ZNF143: variants seen among roughly 807,000 people sequenced by gnomAD.
ZNF143 encodes the protein SPH-binding factor.
Under a neutral mutation model 74.1 loss-of-function variants are expected in ZNF143, and 49 were observed. That is an observed-to-expected ratio of 0.66 (90% confidence interval 0.53 to 0.84). The LOEUF is 0.84. ZNF143 is among the 40% of genes least tolerant of loss of function. ZNF143 has a pLI of 0.00. For missense variants in ZNF143, 637 were observed against 793.4 expected (o/e 0.80, Z 2.37); for synonymous variants, 304 against 282.8 (o/e 1.07, Z -0.75).
intron 1 of ZNF143, 82 bp downstream of exon 1, chr11:9,461,158 T>C (rs1855797573): frequency 2.3e-6 from 2 of 878,630 alleles, no homozygotes; most frequent in Non-Finnish European, 2.7e-6. Flanking sequence ...GCGGGCCCGC[T>C]TGGGCCCGGG....
chr11:9,472,460 G>T (rs1157252547), intron 2 of ZNF143, among the ~76,000 whole-genome samples: 9 of 152,042 alleles, frequency 5.9e-5, no homozygotes, highest in Non-Finnish European at 1.3e-4. Flanking sequence ...CACCTCATTG[G>T]CCAGGCTGGT....
At chr11:9,501,052 T>C in intron 10 of ZNF143, 39 bp from the exon 11 acceptor site, 1 of 1,608,756 alleles carries the variant, frequency 6.2e-7, no homozygotes, top group South Asian at 1.1e-5. Flanking sequence ...CCTCTATATA[T>C]TTTTGCACCA....
chr11:9,512,679 A>C, intron 13 of ZNF143, 83 bp downstream of exon 13: 1 of 1,560,716 alleles, frequency 6.4e-7, no homozygotes, highest in Non-Finnish European at 8.7e-7. Flanking sequence ...CATTGAGGAA[A>C]GCTTTGAAAT....
chr11:9,478,008 A>G (rs930573299), intron 5 of ZNF143, among the ~76,000 whole-genome samples: 2 of 152,078 alleles, frequency 1.3e-5, no homozygotes, highest in Non-Finnish European at 2.9e-5. Context: ...TTGTATTTTT[A>G]GTAGAGAGGG....
chr11:9,511,601 C>G (rs1417882812), intron 12 of ZNF143, among the ~76,000 whole-genome samples: 10 of 151,696 alleles, frequency 6.6e-5, no homozygotes. Context: ...CATACCCGGC[C>G]TTGGTTTTGT....
chr11:9,526,034 TG>T (rs1396850119), intron 15 of ZNF143, among the ~76,000 whole-genome samples: 1 of 151,764 alleles, frequency 6.6e-6, no homozygotes, highest in Non-Finnish European at 1.5e-5. Flanking sequence ...CCCAGCTACT[TG>T]GGGGGTGCTG....
At chr11:9,473,672 A>T in intron 3 of ZNF143, 1 of 931,352 alleles carries the variant, frequency 1.1e-6, no homozygotes, top group Non-Finnish European at 1.6e-6. Flanking sequence ...AAGCAGTCCA[A>T]CTCATGTAGC....
intron 1 of ZNF143, among the ~76,000 whole-genome samples, chr11:9,461,376 G>A (rs1855825990): frequency 6.6e-6 from 1 of 152,234 alleles, no homozygotes; most frequent in Non-Finnish European, 1.5e-5. Context: ...ACCGCCAAGG[G>A]GAGGGAGTGA....
chr11:9,464,930 A>T lies in ZNF143; in HGVS notation c.-8+3854A>T, dbSNP rs72852971. Among the ~76,000 whole-genome samples the T allele has an allele frequency of 8.9e-3, 1,359 of 152,230 alleles. 11 individuals are homozygous for T. Among genetic ancestry groups the T allele is most frequent in the Non-Finnish European group, 0.015 (1,034 of 68,016 alleles). ...AGAGGGAGACTCTGTCTCAAAAAAAAAATAATAATAATGCTAAATGGCCTA... is the reference window on the plus strand; with the variant it reads ...AGAGGGAGACTCTGTCTCAAAAAAATAATAATAATAATGCTAAATGGCCTA... On this transcript the variant is annotated intron_variant, in intron 1 of 15. Coordinates refer to ENST00000396602, the MANE Select transcript of ZNF143 (RefSeq NM_003442.6).
At chr11:9,493,304 T>C (rs1352980792) in intron 7 of ZNF143, among the ~76,000 whole-genome samples, 1 of 152,078 alleles carries the variant, frequency 6.6e-6, no homozygotes, top group Non-Finnish European at 1.5e-5. Context: ...TCTCTTGACC[T>C]TGTGACCCGC....
At chr11:9,486,365 ATATATAATATAT>A (rs1847486723) in intron 7 of ZNF143, among the ~76,000 whole-genome samples, 38 of 48,930 alleles carry the variant, frequency 7.8e-4, no homozygotes, top group Non-Finnish European at 1.3e-3. Flanking sequence ...TATATATATT[ATATATAATATAT>A]TATATATATA....
rs114730770 is a variant in ZNF143, at chr11:9,473,634, C to T, written c.206-307C>T. On this transcript the variant is annotated intron_variant, in intron 3 of 15. Transcript: ENST00000396602. ...TTCAACTCCCCACTGGTCATGGTCA[C>T]TGATTCTAAGTGACTCTGAAAGGTA... 5.1e-3 allele frequency: 2,643 copies of T among 522,510 alleles called. 55 individuals carry two copies. Among genetic ancestry groups the T allele is most frequent in the African/African-American group, 0.046 (2,344 of 51,418 alleles). 32.4% of individuals were successfully genotyped at this position (522,510 alleles called of 1,614,324 possible).
chr11:9,524,716 A>G (rs1849063101), intron 14 of ZNF143, among the ~76,000 whole-genome samples: 1 of 152,202 alleles, frequency 6.6e-6, no homozygotes, highest in Non-Finnish European at 1.5e-5. Flanking sequence ...GGAGTATGGG[A>G]AGATTCCATG....
At chr11:9,485,831 G>T (rs1847451252) in intron 7 of ZNF143, among the ~76,000 whole-genome samples, 1 of 151,474 alleles carries the variant, frequency 6.6e-6, no homozygotes, top group African/African-American at 2.5e-5. Context: ...ACAAACACCA[G>T]ATTGTAAGTT....
chr11:9,517,422 T>A (rs1848762889), intron 14 of ZNF143, among the ~76,000 whole-genome samples: 1 of 152,148 alleles, frequency 6.6e-6, no homozygotes, highest in Non-Finnish European at 1.5e-5. Flanking sequence ...TATGTGTGAG[T>A]AGATATGCTA....
In ZNF143 at chr11:9,479,482, A is replaced by T; in HGVS notation, c.581A>T (p.Asp194Val). The T allele has an allele frequency of 6.2e-7, 1 of 1,612,860 alleles. No individual in the cohort carries two copies. Among genetic ancestry groups the T allele is most frequent in the Non-Finnish European group, 8.5e-7 (1 of 1,179,552 alleles). ...ATTTTATTCCTATAGGTGTCCATTGATGGAAGTGAAAGTGTAGCAGGTACT... is the reference window on the plus strand; with the variant it reads ...ATTTTATTCCTATAGGTGTCCATTGTTGGAAGTGAAAGTGTAGCAGGTACT... Reference protein sequence around the residue: ...LEQYAAKVSIDGSESVAGTGM... With the variant: ...LEQYAAKVSIVGSESVAGTGM... Residue 194 changes from aspartate (D) to valine (V), a missense_variant, in exon 7 of 16, where the codon GAT (aspartate) becomes GTT (valine). Physicochemically the swap from Asp to Val is radical, Grantham distance 152. Coordinates refer to ENST00000396602, the MANE Select transcript of ZNF143 (RefSeq NM_003442.6).
chr11:9,479,477 C>T lies in ZNF143; in HGVS notation c.576C>T (p.Ser192=), dbSNP rs1442540093. 1 of 1,611,600 alleles carries T rather than the reference C, an allele frequency of 6.2e-7. No individual in the cohort carries two copies. Among genetic ancestry groups the T allele is most frequent in the Non-Finnish European group, 8.5e-7 (1 of 1,179,028 alleles). Residue 192 remains serine (S), a synonymous_variant, in exon 7 of 16, where the codon TCC becomes TCT. Transcript: ENST00000396602. ...GCTTTATTTTATTCCTATAGGTGTC[C>T]ATTGATGGAAGTGAAAGTGTAGCAG... is the stretch of plus-strand genomic sequence containing the variant. ...SALEQYAAKV[S]IDGSESVAGT... is the part of the protein sequence containing the mutation.
At chr11:9,477,535 G>C (rs537050851) in intron 5 of ZNF143, among the ~76,000 whole-genome samples, 1 of 151,988 alleles carries the variant, frequency 6.6e-6, no homozygotes, top group Non-Finnish European at 1.5e-5. Context: ...GATTACAGGC[G>C]TGAGCCACCA....
At chr11:9,505,314 G>C (rs1848322631) in intron 11 of ZNF143, among the ~76,000 whole-genome samples, 1 of 150,828 alleles carries the variant, frequency 6.6e-6, no homozygotes, top group Admixed American at 6.6e-5. Flanking sequence ...CTGTCGCTCA[G>C]GCTGGAGTGC....
Sources: allele counts gnomAD v4.1 joint callset (sites outside exome capture counted in the v4.1 genomes callset), GRCh38; gene constraint gnomAD v4.1.1; transcripts MANE v1.5; gene names NCBI Gene and HGNC (gene_info 2026-07-23, HGNC 2026-07-21).